RADIL: variants seen among roughly 807,000 people sequenced by gnomAD.
RADIL encodes Rap associating with DIL domain, also known as ras-associating and dilute domain-containing protein.
RADIL carries 99 observed loss-of-function variants against 97.6 expected under a neutral mutation model. The observed-to-expected ratio is 1.01, with a 90% CI of 0.86 to 1.20. The LOEUF (loss-of-function observed/expected upper bound fraction) is 1.20, where lower values mean the gene tolerates loss of function less well. Ranked by LOEUF, RADIL falls within the 50% of genes most tolerant of loss-of-function variation. RADIL has a pLI of 0.00. For synonymous variants in RADIL, 803 were observed against 691.8 expected (o/e 1.16, Z -2.52); for missense variants, 1,765 against 1,498.9 (o/e 1.18, Z -2.93).
At position 4,872,500 on chromosome 7, in the gene RADIL, C is replaced by T. The variant is rs1420011407; in HGVS notation, c.535+5105G>A. 1.3e-5 allele frequency among the ~76,000 whole-genome samples: 2 copies of T among 152,270 alleles called. No individual in the cohort carries two copies. Among genetic ancestry groups the T allele is most frequent in the African/African-American group, 2.4e-5 (1 of 41,550 alleles). ...AAAACCACATGGCCCTGTCATCGCC[C>T]CTCCCCAGTGCATCTAAGTGGCTGC... is the stretch of plus-strand genomic sequence containing the variant. On this transcript the variant is annotated intron_variant, in intron 2 of 14. Transcript: ENST00000399583. The surrounding 1 kb of genome is among the most constrained non-coding windows in gnomAD (Gnocchi z 5.8).
At chr7:4,861,784 C>A in intron 2 of RADIL, 1 of 1,475,266 alleles carries the variant, frequency 6.8e-7, no homozygotes, top group Non-Finnish European at 9.0e-7. Context: ...GCGGTGGTCC[C>A]TGGGTTGTCA....
intron 9 of RADIL, among the ~76,000 whole-genome samples, chr7:4,806,398 G>A (rs57067808): frequency 0.04 from 6,123 of 152,072 alleles, 412 homozygotes; most frequent in African/African-American, 0.14. Context: ...AAACTCCACG[G>A]CTGGTCTCAA....
chr7:4,868,897 C>G (rs1484350487), intron 2 of RADIL, among the ~76,000 whole-genome samples: 2 of 152,140 alleles, frequency 1.3e-5, no homozygotes, highest in East Asian at 3.9e-4. Context: ...GAGGCCAAGG[C>G]AGGCAGATCA....
Position 4,874,348 on chromosome 7 carries a change from G to A in RADIL, c.535+3257C>T, listed in dbSNP as rs1562460148. On this transcript the variant is annotated intron_variant, in intron 2 of 14. Coordinates refer to ENST00000399583, the MANE Select transcript of RADIL (RefSeq NM_018059.5). ...AGGTCTGTGCGGGGTCATCCCCAGC[G>A]GAGCCTGGCTTATCCACGTGGGGAC... is the stretch of plus-strand genomic sequence containing the variant. Among the ~76,000 whole-genome samples, 3 of 152,368 alleles carry A rather than the reference G, an allele frequency of 2.0e-5. No individual in the cohort carries two copies. The South Asian group carries it at 6.2e-4, about 32-fold the overall frequency.
chr7:4,826,367 A>C (rs2115207562), intron 5 of RADIL, among the ~76,000 whole-genome samples: 1 of 152,326 alleles, frequency 6.6e-6, no homozygotes, highest in Admixed American at 6.5e-5. Flanking sequence ...AGTGTTCCAC[A>C]AAAGGAGGAA....
chr7:4,822,249 C>T lies in RADIL; in HGVS notation c.1615+145G>A. ...ACAGGCCGTCCCCGAGCAACTGACACATGGCAGCCTAGGGACTGAGGAAGC... is the reference window on the plus strand; with the variant it reads ...ACAGGCCGTCCCCGAGCAACTGACATATGGCAGCCTAGGGACTGAGGAAGC... On this transcript the variant is annotated intron_variant, in intron 6 of 14. Coordinates refer to ENST00000399583, the MANE Select transcript of RADIL (RefSeq NM_018059.5). This position sits in a 1 kb window ranked among gnomAD's most constrained non-coding sequence, Gnocchi z 5.3. 4 of 1,087,122 alleles carry T rather than the reference C, an allele frequency of 3.7e-6. No homozygotes were observed. The highest frequency in any genetic ancestry group is 3.8e-6 in the Non-Finnish European group (3 of 783,684). 67.3% of individuals were successfully genotyped at this position (1,087,122 alleles called of 1,614,324 possible). A position where few individuals can be genotyped will look rare whatever the true frequency, so the allele number is the denominator to read the frequency against.
Position 4,867,186 on chromosome 7 carries a change from G to A in RADIL, c.535+10419C>T, listed in dbSNP as rs141825070. On this transcript the variant is annotated intron_variant, in intron 2 of 14. Coordinates refer to ENST00000399583, the MANE Select transcript of RADIL (RefSeq NM_018059.5). This position sits in a 1 kb window ranked among gnomAD's most constrained non-coding sequence, Gnocchi z 4.1. ...AAATGGACTAAAGCAGAGCCTAAAGGTGTTGAGGGGCACACAGGCACACGA... is the reference window on the plus strand; with the variant it reads ...AAATGGACTAAAGCAGAGCCTAAAGATGTTGAGGGGCACACAGGCACACGA... Among the ~76,000 whole-genome samples the A allele has an allele frequency of 1.7e-4, 26 of 152,126 alleles. No individual in the cohort carries two copies. Among genetic ancestry groups the A allele is most frequent in the African/African-American group, 6.0e-4 (25 of 41,416 alleles).
At position 4,799,132 on chromosome 7, in the gene RADIL, C is replaced by T. The variant is rs1781991850; in HGVS notation, c.*246G>A. Reference sequence around the variant, plus strand: ...AGAACGGGAAAAATAGTTTATTGAACCGTACTTCTCCATTGAAGTCTTTAA... The same window carrying T: ...AGAACGGGAAAAATAGTTTATTGAATCGTACTTCTCCATTGAAGTCTTTAA... On this transcript the variant is annotated 3_prime_UTR_variant, in exon 15 of 15. Transcript: ENST00000399583. The T allele has an allele frequency of 1.9e-6, 1 of 523,330 alleles. No homozygotes were observed. Among genetic ancestry groups the T allele is most frequent in the Non-Finnish European group, 3.4e-6 (1 of 290,104 alleles). 32.4% of individuals were successfully genotyped at this position (523,330 alleles called of 1,614,324 possible).
chr7:4,805,511 G>A (rs530837358), intron 10 of RADIL, 55 bp downstream of exon 10: 374 of 1,492,006 alleles, frequency 2.5e-4, no homozygotes, highest in Non-Finnish European at 3.2e-4. Context: ...CTCCAGCCTC[G>A]GGGCGAGTCT....
At chr7:4,861,050 A>C in intron 2 of RADIL, 1 of 1,614,230 alleles carries the variant, frequency 6.2e-7, no homozygotes, top group Non-Finnish European at 8.5e-7. Flanking sequence ...AGTTCTTGCT[A>C]CTAGCATGGC....
intron 12 of RADIL, 49 bp from the exon 13 acceptor site, chr7:4,800,359 C>T (rs62450182): frequency 4.3e-6 from 6 of 1,409,992 alleles, no homozygotes; most frequent in African/African-American, 3.0e-5. Flanking sequence ...CCAGGAATCA[C>T]GACGAGGAAT....
intron 10 of RADIL, among the ~76,000 whole-genome samples, chr7:4,804,350 A>T (rs750913344): frequency 4.6e-5 from 7 of 152,188 alleles, no homozygotes; most frequent in Non-Finnish European, 1.0e-4. Flanking sequence ...CTGTTCAGAG[A>T]TGTTCTCCAC....
chr7:4,817,810 A>T lies in RADIL; in HGVS notation c.1616-459T>A, dbSNP rs1782717736. On this transcript the variant is annotated intron_variant, in intron 6 of 14. Coordinates refer to ENST00000399583, the MANE Select transcript of RADIL (RefSeq NM_018059.5). The surrounding 1 kb of genome is among the most constrained non-coding windows in gnomAD (Gnocchi z 8.3). ...AGTCTTTTGGGAAGAAAAAGCCCAA[A>T]TCAGCTATTTCACCCCCACCCCCGG... Among the ~76,000 whole-genome samples, 1 of 152,022 alleles carries T rather than the reference A, an allele frequency of 6.6e-6. No homozygotes were observed. The highest frequency in any genetic ancestry group is 1.5e-5 in the Non-Finnish European group (1 of 68,006).
In RADIL at chr7:4,840,213, C is replaced by CCCAAGT. The variant is rs1783406401; in HGVS notation, c.536-3614_536-3609dup. ...GGCTTGTTGGGGGCCGACATGGCCT[C>CCCAAGT]CCAAGTTCCCATAGAGAGAGCTGCA... On this transcript the variant is annotated intron_variant, in intron 2 of 14. Transcript: ENST00000399583. This position sits in a 1 kb window ranked among gnomAD's most constrained non-coding sequence, Gnocchi z 5.6. Among the ~76,000 whole-genome samples, 1 of 152,104 alleles carries CCCAAGT rather than the reference C, an allele frequency of 6.6e-6. No homozygotes were observed. Among genetic ancestry groups the CCCAAGT allele is most frequent in the African/African-American group, 2.4e-5 (1 of 41,420 alleles).
At chr7:4,855,881 C>T (rs978056077) in intron 2 of RADIL, among the ~76,000 whole-genome samples, 1 of 151,924 alleles carries the variant, frequency 6.6e-6, no homozygotes, top group Non-Finnish European at 1.5e-5. Context: ...CTGACACCTC[C>T]GTCTCCTGGG....
Position 4,834,658 on chromosome 7 carries a change from T to A in RADIL, c.1365A>T (p.Thr455=). The A allele has an allele frequency of 7.3e-7, 1 of 1,363,646 alleles. No homozygotes were observed. The highest frequency in any genetic ancestry group is 2.2e-5 in the South Asian group (1 of 44,832). The allele number at this position is 1,363,646 out of a possible 1,614,324, so 84.5% of individuals were successfully genotyped here. A position where few individuals can be genotyped will look rare whatever the true frequency, so the allele number is the denominator to read the frequency against. The change falls in exon 4 of 15, where the codon ACA becomes ACT. Residue 455 remains threonine, a synonymous_variant. Coordinates refer to ENST00000399583, the MANE Select transcript of RADIL (RefSeq NM_018059.5). This position sits in a 1 kb window ranked among gnomAD's most constrained non-coding sequence, Gnocchi z 6.0. ...QHSATHFQPG[T]FGQLLLKIAR... ...CTATCTTGAGCAGGAGCTGCCCGAA[T>A]GTGCCCGGCTGGAAGTGGGTGGCCG...
chr7:4,835,406 C>T lies in RADIL; in HGVS notation c.784-167G>A, dbSNP rs1249867479. Among the ~76,000 whole-genome samples, 1 of 152,192 alleles carries T rather than the reference C, an allele frequency of 6.6e-6. No homozygotes were observed. The highest frequency in any genetic ancestry group is 1.5e-5 in the Non-Finnish European group (1 of 68,030). The stretch of plus-strand genomic sequence containing the variant: ...CCAGAACCCCGACGGCTCTCAGGAA[C>T]CCGCCCCTCGATGTCCGGGCCCATC... On this transcript the variant is annotated intron_variant, in intron 3 of 14. Transcript: ENST00000399583. This position sits in a 1 kb window ranked among gnomAD's most constrained non-coding sequence, Gnocchi z 5.8.
In RADIL at chr7:4,835,077, C is replaced by G; in HGVS notation, c.946G>C (p.Val316Leu). The change falls in exon 4 of 15, where the codon GTC (valine) becomes CTC (leucine). Residue 316 changes from valine (V) to leucine (L), a missense_variant. Coordinates refer to ENST00000399583, the MANE Select transcript of RADIL (RefSeq NM_018059.5). This position sits in a 1 kb window ranked among gnomAD's most constrained non-coding sequence, Gnocchi z 5.8. ...TGCGCCCCGGGGATGGGCTCCAGGA[C>G]CAGCCTCCCCGCGGCCTGGCCGCTG... is the stretch of plus-strand genomic sequence containing the variant. ...PDSGQAAGRL[V>L]LEPIPGAHIS... 1.3e-5 allele frequency: 21 copies of G among 1,607,408 alleles called. No homozygotes were observed. The highest frequency in any genetic ancestry group is 1.7e-5 in the Non-Finnish European group (20 of 1,177,482).
rs540955989 is a variant in RADIL at position 4,819,073 on chromosome 7, T to TCTCTC, written c.1616-1723_1616-1722insGAGAG. ...CTCCATTTCTCTCTCTCTCTCTCTC[T>TCTCTC]TTTTTTTTTTTTTTTAAAGACAGAG... On this transcript the variant is annotated intron_variant, in intron 6 of 14. Coordinates refer to ENST00000399583, the MANE Select transcript of RADIL (RefSeq NM_018059.5). This position sits in a 1 kb window ranked among gnomAD's most constrained non-coding sequence, Gnocchi z 5.8. 2.6e-5 allele frequency among the ~76,000 whole-genome samples: 3 copies of TCTCTC among 114,006 alleles called. No individual in the cohort carries two copies. Among genetic ancestry groups the TCTCTC allele is most frequent in the Non-Finnish European group, 5.7e-5 (3 of 52,676 alleles). The allele number at this position is 114,006 out of a possible 152,430, so 74.8% of individuals were successfully genotyped here.
Sources: gnomAD v4.1 joint callset for allele counts (sites outside exome capture counted in the v4.1 genomes callset) on GRCh38, gnomAD v4.1.1 for gene constraint, Gnocchi (gnomAD v3.1) non-coding constraint, MANE v1.5 for transcripts, NCBI Gene and HGNC (gene_info 2026-07-23, HGNC 2026-07-21) for gene names.